The following PCDH10 variants were observed in gnomAD, a reference collection of about 807,000 sequenced individuals.
PCDH10 encodes the protein protocadherin 10, also known as protocadherin-10.
A neutral mutation model predicts 74.4 loss-of-function variants in PCDH10; 15 were observed. The observed-to-expected ratio is 0.20, with a 90% CI of 0.13 to 0.31. The LOEUF (loss-of-function observed/expected upper bound fraction) is 0.31, where lower values mean the gene tolerates loss of function less well. Among genes scored for constraint, PCDH10 ranks in the 10% least tolerant of loss-of-function variants. The pLI is 1.00. For missense variants in PCDH10, 1,260 were observed against 1,390.2 expected, an observed-to-expected ratio of 0.91 and a Z score of 1.49; for synonymous variants, 619 against 589.8, an observed-to-expected ratio of 1.05 and a Z score of -0.72.
intron 4 of PCDH10, among the ~76,000 whole-genome samples, chr4:133,185,621 A>G (rs1051244645): frequency 3.9e-5 from 6 of 152,124 alleles, no homozygotes; most frequent in Non-Finnish European, 7.4e-5. Flanking sequence ...ATTTATATGT[A>G]AAGAAGTGTC....
intron 4 of PCDH10, among the ~76,000 whole-genome samples, chr4:133,173,732 CT>C (rs74651681): frequency 0.01 from 1,539 of 147,090 alleles, 12 homozygotes; most frequent in African/African-American, 0.022. Flanking sequence ...TTCTTAAAGT[CT>C]TTTTTTTTTT....
At chr4:133,202,887 G>A (rs542350722) in intron 2 of PCDH10, among the ~76,000 whole-genome samples, 1 of 152,308 alleles carries the variant, frequency 6.6e-6, no homozygotes, top group South Asian at 2.1e-4. Flanking sequence ...CCACAAGTGA[G>A]TTGATCTCTT....
downstream of PCDH10, among the ~76,000 whole-genome samples, chr4:133,195,216 G>A (rs937282854): frequency 1.3e-5 from 2 of 152,014 alleles, no homozygotes; most frequent in African/African-American, 4.8e-5. Flanking sequence ...TAGAAGAAAC[G>A]TTCTTCTTAA....
At position 133,163,202 on chromosome 4, in the gene PCDH10, C is replaced by A; in HGVS notation, c.3023C>A (p.Ala1008Asp). 6.2e-7 allele frequency: 1 copy of A among 1,614,092 alleles called. No individual in the cohort carries two copies. Among genetic ancestry groups the A allele is most frequent in the Non-Finnish European group, 8.5e-7 (1 of 1,179,996 alleles). The change falls in exon 4 of 5, where the codon GCC becomes GAC. Residue 1008 changes from alanine to aspartate, a missense_variant. By Grantham distance (126) the Ala-to-Asp change is moderately radical (BLOSUM62 -2). Transcript: ENST00000264360. ...TTTTCCACCTTTGGCAAAGAGAAGG[C>A]CCTTCACAGCACTCTGGAGAGGAAG... is the stretch of plus-strand genomic sequence containing the variant. Reference protein sequence around the residue: ...RSFSTFGKEKALHSTLERKEL... With the variant: ...RSFSTFGKEKDLHSTLERKEL...
chr4:133,176,132 A>T (rs562278706), intron 4 of PCDH10, among the ~76,000 whole-genome samples: 1 of 151,996 alleles, frequency 6.6e-6, no homozygotes, highest in Non-Finnish European at 1.5e-5. Context: ...TATCATTTTT[A>T]TTTTGTTCTC....
At chr4:133,154,277 A>G (rs370202661) in intron 1 of PCDH10, 30 bp from the exon 2 acceptor site, 3 of 1,514,948 alleles carry the variant, frequency 2.0e-6, no homozygotes, top group East Asian at 2.3e-5. Flanking sequence ...TAGCATTCAA[A>G]TGCTCTTGAT....
chr4:133,162,492 CTAAA>C (rs1165387465), intron 3 of PCDH10, among the ~76,000 whole-genome samples: 1 of 152,084 alleles, frequency 6.6e-6, no homozygotes. Flanking sequence ...ATTTCATAAT[CTAAA>C]TATCATTTTT....
At chr4:133,161,157 A>G (rs1299704155) in intron 3 of PCDH10, among the ~76,000 whole-genome samples, 1 of 152,174 alleles carries the variant, frequency 6.6e-6, no homozygotes, top group Non-Finnish European at 1.5e-5. Context: ...GCTTCAGCTG[A>G]CGTTTCCGTT....
intron 2 of PCDH10, among the ~76,000 whole-genome samples, chr4:133,201,109 C>A (rs1308950871): frequency 6.6e-6 from 1 of 151,874 alleles, no homozygotes; most frequent in Admixed American, 6.6e-5. Context: ...AGTACGTCTC[C>A]CAGAGAAATC....
chr4:133,178,535 CTT>C (rs58977552), intron 4 of PCDH10, among the ~76,000 whole-genome samples: 6 of 146,564 alleles, frequency 4.1e-5, no homozygotes, highest in Admixed American at 1.4e-4. Context: ...CCGGCCTGGA[CTT>C]TTTTTTTTTT....
chr4:133,161,560 C>A (rs914539014), intron 3 of PCDH10, among the ~76,000 whole-genome samples: 1 of 151,896 alleles, frequency 6.6e-6, no homozygotes, highest in African/African-American at 2.4e-5. Context: ...GAGCTCAAAT[C>A]ACTTGTGATA....
At chr4:133,174,820 A>G (rs1194666236) in intron 4 of PCDH10, among the ~76,000 whole-genome samples, 1 of 151,608 alleles carries the variant, frequency 6.6e-6, no homozygotes, top group Non-Finnish European at 1.5e-5. Flanking sequence ...TCAAGTTATA[A>G]CAACATAATA....
downstream of PCDH10, among the ~76,000 whole-genome samples, chr4:133,197,955 T>A (rs370433139): frequency 7.1e-6 from 1 of 141,794 alleles, no homozygotes; most frequent in Non-Finnish European, 1.5e-5. Flanking sequence ...TCTGGCAAAG[T>A]ATTTCTCTCA....
downstream of PCDH10, among the ~76,000 whole-genome samples, chr4:133,195,573 T>C (rs1007485442): frequency 4.6e-5 from 7 of 152,176 alleles, no homozygotes; most frequent in African/African-American, 1.7e-4. Flanking sequence ...AGACATATAC[T>C]GAGGTCTAAC....
At chr4:133,184,494 G>A (rs994373679) in intron 4 of PCDH10, among the ~76,000 whole-genome samples, 5 of 151,336 alleles carry the variant, frequency 3.3e-5, no homozygotes, top group South Asian at 2.1e-4. Flanking sequence ...GTTGTGGTGC[G>A]CAACTGTAAT....
chr4:133,184,796 T>A (rs28574769), intron 4 of PCDH10, among the ~76,000 whole-genome samples: 7 of 139,036 alleles, frequency 5.0e-5, no homozygotes, highest in African/African-American at 7.9e-5. Flanking sequence ...ATATATATAT[T>A]TATATATATA....
At chr4:133,160,097 T>A (rs1402706860) in intron 3 of PCDH10, among the ~76,000 whole-genome samples, 1 of 152,022 alleles carries the variant, frequency 6.6e-6, no homozygotes, top group African/African-American at 2.4e-5. Context: ...AATCAATTTT[T>A]AATTAATTTT....
chr4:133,168,760 G>A (rs1458217264), intron 4 of PCDH10, among the ~76,000 whole-genome samples: 10 of 151,356 alleles, frequency 6.6e-5, no homozygotes, highest in African/African-American at 2.2e-4. Flanking sequence ...ATGAATTAAT[G>A]GGCATTTTTA....
At chr4:133,162,507 G>A (rs921254099) in intron 3 of PCDH10, among the ~76,000 whole-genome samples, 3 of 151,868 alleles carry the variant, frequency 2.0e-5, no homozygotes, top group African/African-American at 7.3e-5. Context: ...TATCATTTTT[G>A]GTGCTTGGCA....
Sources: gnomAD v4.1 joint callset for allele counts (sites outside exome capture counted in the v4.1 genomes callset) on GRCh38, gnomAD v4.1.1 for gene constraint, MANE v1.5 for transcripts, NCBI Gene and HGNC (gene_info 2026-07-23, HGNC 2026-07-21) for gene names.